ANK1: variants seen among roughly 807,000 people sequenced by gnomAD.
The protein encoded by ANK1 is ankyrin-1.
In ANK1, 51 loss-of-function variants were observed where a neutral mutation model predicts 210.4. The observed-to-expected ratio is 0.24, with a 90% CI of 0.19 to 0.31. The LOEUF is 0.31. Ranked by LOEUF, ANK1 falls within the 10% of genes least tolerant of loss-of-function variation. ANK1 has a pLI of 1.00. For synonymous variants in ANK1, 967 were observed against 1,025.9 expected (o/e 0.94, Z 1.10); for missense variants, 2,051 against 2,504.4 (o/e 0.82, Z 3.86).
chr8:41,682,909 C>T (rs898807426), intron 37 of ANK1, among the ~76,000 whole-genome samples: 7 of 152,350 alleles, frequency 4.6e-5, no homozygotes, highest in African/African-American at 1.4e-4. Flanking sequence ...CAACCGCCCT[C>T]AGCCCACTGA....
rs1374248477 is a variant in ANK1 at position 41,654,865 on chromosome 8, A to G, written c.*925T>C. ...CAGCCACCGGCCTGTCCCCCAACTG[A>G]GAGAGGAGACCCTTTCAGATGGGGT... is the stretch of plus-strand genomic sequence containing the variant. On this transcript the variant is annotated 3_prime_UTR_variant, in exon 43 of 43. Coordinates refer to ENST00000289734, the MANE Select transcript of ANK1 (RefSeq NM_000037.4). 6.6e-6 allele frequency: 1 copy of G among 152,532 alleles called. No homozygotes were observed. Among genetic ancestry groups the G allele is most frequent in the East Asian group, 1.9e-4 (1 of 5,174 alleles). 9.4% of individuals were successfully genotyped at this position (152,532 alleles called of 1,614,324 possible). A position where few individuals can be genotyped will look rare whatever the true frequency, so the allele number is the denominator to read the frequency against.
intron 3 of ANK1, among the ~76,000 whole-genome samples, chr8:41,728,918 A>G (rs1275228607): frequency 6.6e-6 from 1 of 152,206 alleles, no homozygotes; most frequent in African/African-American, 2.4e-5. Flanking sequence ...CTCAGCCTGC[A>G]ATTCTGCAAG....
intron 16 of ANK1, among the ~76,000 whole-genome samples, chr8:41,713,131 C>T (rs1195648712): frequency 6.6e-6 from 1 of 152,274 alleles, no homozygotes; most frequent in African/African-American, 2.4e-5. Context: ...CAGGTGTTGG[C>T]TGGAGTCACA....
intron 1 of ANK1, among the ~76,000 whole-genome samples, chr8:41,836,568 C>G (rs553500631): frequency 6.6e-6 from 1 of 152,326 alleles, no homozygotes; most frequent in East Asian, 1.9e-4. Context: ...CTTCAGTGCC[C>G]TGGCTTCCAA....
intron 2 of ANK1, among the ~76,000 whole-genome samples, chr8:41,737,080 C>G (rs1833622243): frequency 6.6e-6 from 1 of 152,220 alleles, no homozygotes; most frequent in Non-Finnish European, 1.5e-5. Context: ...AGCCGGATCA[C>G]TTGAGGGCAG....
chr8:41,661,444 C>T lies in ANK1; in HGVS notation c.*22G>A, dbSNP rs1585798715. On this transcript the variant is annotated 3_prime_UTR_variant, in exon 42 of 43. Transcript: ENST00000289734. ...GGCAGCGTTACCTCCCGAGAGGCTACTCCAAGGAGAGCGGCTCGGGGTCAC... is the reference window on the plus strand; with the variant it reads ...GGCAGCGTTACCTCCCGAGAGGCTATTCCAAGGAGAGCGGCTCGGGGTCAC... The T allele has an allele frequency of 1.2e-6, 2 of 1,614,120 alleles. No homozygotes were observed. Among genetic ancestry groups the T allele is most frequent in the East Asian group, 2.2e-5 (1 of 44,878 alleles).
chr8:41,665,027 C>A, intron 39 of ANK1: 1 of 1,613,158 alleles, frequency 6.2e-7, no homozygotes, highest in Non-Finnish European at 8.5e-7. Context: ...TCCACATCCT[C>A]GCCTCCTCAC....
At chr8:41,826,192 C>T (rs967663558) in intron 1 of ANK1, among the ~76,000 whole-genome samples, 5 of 152,126 alleles carry the variant, frequency 3.3e-5, no homozygotes, top group Non-Finnish European at 5.9e-5. Flanking sequence ...GATTTCTAAT[C>T]CTCCCTTTGC....
intron 1 of ANK1, among the ~76,000 whole-genome samples, chr8:41,788,349 C>T (rs1006451290): frequency 2.6e-5 from 4 of 152,182 alleles, no homozygotes; most frequent in African/African-American, 7.2e-5. Context: ...TCAGATTTCT[C>T]ATTGTGAAGT....
chr8:41,861,421 G>A (rs1287302745), intron 1 of ANK1, among the ~76,000 whole-genome samples: 2 of 152,226 alleles, frequency 1.3e-5, no homozygotes, highest in African/African-American at 4.8e-5. Context: ...TAAAGGCTTC[G>A]AAAGGGCCTG....
At chr8:41,782,578 C>T (rs193263989) in intron 1 of ANK1, among the ~76,000 whole-genome samples, 100 of 152,308 alleles carry the variant, frequency 6.6e-4, no homozygotes, top group Non-Finnish European at 1.3e-3. Flanking sequence ...CCTCCGTGCC[C>T]CCAGGTAATT....
At chr8:41,769,949 T>C (rs1039788875) in intron 1 of ANK1, among the ~76,000 whole-genome samples, 4 of 151,252 alleles carry the variant, frequency 2.6e-5, no homozygotes, top group African/African-American at 9.7e-5. Flanking sequence ...ATCTGCCATC[T>C]ATATATCTTC....
At chr8:41,699,838 C>G (rs1330401855) in intron 22 of ANK1, among the ~76,000 whole-genome samples, 2 of 152,218 alleles carry the variant, frequency 1.3e-5, no homozygotes, top group South Asian at 2.1e-4. Context: ...TTCAAAACAG[C>G]CCTTTTAGCT....
At chr8:41,875,939 G>A (rs1013995716) in intron 1 of ANK1, among the ~76,000 whole-genome samples, 8 of 151,990 alleles carry the variant, frequency 5.3e-5, no homozygotes, top group African/African-American at 1.9e-4. Flanking sequence ...TCCCCAGAGG[G>A]GCCGGCGCGC....
intron 1 of ANK1, among the ~76,000 whole-genome samples, chr8:41,874,798 G>A (rs1816252554): frequency 6.6e-6 from 1 of 152,158 alleles, no homozygotes; most frequent in Non-Finnish European, 1.5e-5. Context: ...CTCCTTCATG[G>A]TCATTCTTTG....
Position 41,708,862 on chromosome 8 carries a change from G to A in ANK1, c.1914C>T (p.Pro638=). ...GGCCCTCCTGGGCGGCCAGGTGAAG[G>A]GGCGTCACACCTTGCACCGACTCGG... ...ANAESVQGVT[P]LHLAAQEGHA... Residue 638 remains proline, a synonymous_variant, in exon 17 of 43, where the codon CCC becomes CCT. Transcript: ENST00000289734. 6.2e-7 allele frequency: 1 copy of A among 1,614,044 alleles called. No homozygotes were observed. Among genetic ancestry groups the A allele is most frequent in the African/African-American group, 1.3e-5 (1 of 75,032 alleles).
intron 1 of ANK1, among the ~76,000 whole-genome samples, chr8:41,877,189 T>A (rs539946592): frequency 1.3e-5 from 2 of 152,198 alleles, no homozygotes; most frequent in Admixed American, 6.5e-5. Flanking sequence ...AGAAGGGACC[T>A]GGGAAAGAAA....
chr8:41,832,343 G>A (rs892856795), intron 1 of ANK1, among the ~76,000 whole-genome samples: 16 of 150,792 alleles, frequency 1.1e-4, no homozygotes, highest in Non-Finnish European at 2.2e-4. Flanking sequence ...CCTCACGCAC[G>A]GGCCAGGCCC....
intron 1 of ANK1, among the ~76,000 whole-genome samples, chr8:41,794,327 T>C (rs1243250050): frequency 6.6e-6 from 1 of 152,202 alleles, no homozygotes; most frequent in East Asian, 1.9e-4. Flanking sequence ...GTTATTCCCA[T>C]GACACACGCC....
Sources: allele counts gnomAD v4.1 joint callset (sites outside exome capture counted in the v4.1 genomes callset), GRCh38; gene constraint gnomAD v4.1.1; transcripts MANE v1.5; gene names NCBI Gene and HGNC (gene_info 2026-07-23, HGNC 2026-07-21).